The following EPS15 variants were observed in gnomAD, a reference collection of about 807,000 sequenced individuals.
EPS15 encodes epidermal growth factor receptor substrate 15.
A neutral mutation model predicts 113.8 loss-of-function variants in EPS15; 72 were observed. The ratio of observed to expected loss-of-function variants is 0.63; its 90% CI spans 0.52 to 0.77. The LOEUF (loss-of-function observed/expected upper bound fraction) is 0.77, where lower values mean the gene tolerates loss of function less well. Among genes scored for constraint, EPS15 ranks in the 30% least tolerant of loss-of-function variants. EPS15 has a pLI of 0.00. For synonymous variants in EPS15, 344 were observed against 363.4 expected (o/e 0.95, Z 0.61); for missense variants, 1,048 against 1,045.8 (o/e 1.00, Z -0.03).
intron 23 of EPS15, among the ~76,000 whole-genome samples, chr1:51,362,031 C>A (rs932611729): frequency 2.6e-5 from 4 of 152,148 alleles, no homozygotes; most frequent in Non-Finnish European, 4.4e-5. Context: ...TAATTCATTA[C>A]CATTTTCAAA....
chr1:51,518,537 G>A (rs1395126616), intron 1 of EPS15: 1 of 152,852 alleles, frequency 6.5e-6, no homozygotes, highest in Non-Finnish European at 1.5e-5. Flanking sequence ...ACCTGATCAG[G>A]AGGGGGGAGA....
chr1:51,469,130 A>G (rs1655065472), intron 4 of EPS15, among the ~76,000 whole-genome samples: 1 of 152,216 alleles, frequency 6.6e-6, no homozygotes, highest in Non-Finnish European at 1.5e-5. Context: ...ACTGTCTCAA[A>G]AAAACAGACA....
rs1646499598 is a variant in EPS15 at position 51,366,005 on chromosome 1, A to G, written c.2144T>C (p.Phe715Ser). ...TCCACCTCCAAATGATTCATTCCCA[A>G]AAACAGAAGCAAAGGGGTCTGTGGC... is the stretch of plus-strand genomic sequence containing the variant. ...DSATDPFASV[F>S]GNESFGGGFA... is the part of the protein sequence containing the mutation. Residue 715 changes from phenylalanine to serine, a missense_variant, in exon 22 of 25, where the codon TTT (phenylalanine) becomes TCT (serine). Transcript: ENST00000371733. 1 of 1,613,238 alleles carries G rather than the reference A, an allele frequency of 6.2e-7. No homozygotes were observed. Among genetic ancestry groups the G allele is most frequent in the Admixed American group, 1.7e-5 (1 of 59,942 alleles).
intron 21 of EPS15, among the ~76,000 whole-genome samples, chr1:51,391,063 C>T (rs1004977059): frequency 1.3e-5 from 2 of 151,972 alleles, no homozygotes; most frequent in African/African-American, 4.8e-5. Flanking sequence ...TGGAACCAAC[C>T]CAAATGTCCA....
At chr1:51,391,493 T>C (rs1359958471) in intron 21 of EPS15, among the ~76,000 whole-genome samples, 1 of 149,794 alleles carries the variant, frequency 6.7e-6, no homozygotes, top group African/African-American at 2.5e-5. Context: ...TAAAATAAAA[T>C]AAAAGATTTG....
At chr1:51,510,971 G>C (rs1023983878) in intron 1 of EPS15, among the ~76,000 whole-genome samples, 6 of 152,060 alleles carry the variant, frequency 3.9e-5, no homozygotes, top group Non-Finnish European at 8.8e-5. Context: ...TTCGAGACCA[G>C]CCTGGCCAAC....
At chr1:51,365,652 A>C (rs1646492012) in intron 22 of EPS15, among the ~76,000 whole-genome samples, 1 of 152,246 alleles carries the variant, frequency 6.6e-6, no homozygotes, top group Non-Finnish European at 1.5e-5. Context: ...CAACAGGGGG[A>C]AAATGTGGTT....
Position 51,497,010 on chromosome 1 carries a change from A to T in EPS15, c.34-15696T>A, listed in dbSNP as rs139140539. ...ATAAATATTTTATAAGTGAACAAAA[A>T]TGAAAGAATGAAATGAGTAACTGAA... On this transcript the variant is annotated intron_variant, in intron 1 of 24. Coordinates refer to ENST00000371733, the MANE Select transcript of EPS15 (RefSeq NM_001981.3). Among the ~76,000 whole-genome samples, 1,057 of 152,340 alleles carry T rather than the reference A, an allele frequency of 6.9e-3. 7 individuals carry two copies. Among genetic ancestry groups the T allele is most frequent in the African/African-American group, 0.024 (1,014 of 41,582 alleles).
chr1:51,494,005 T>C (rs1644286785), intron 1 of EPS15, among the ~76,000 whole-genome samples: 1 of 152,312 alleles, frequency 6.6e-6, no homozygotes, highest in Non-Finnish European at 1.5e-5. Context: ...TACCTAAGGC[T>C]TTGATGGCTC....
At chr1:51,409,900 C>A (rs1319842728) in intron 13 of EPS15, among the ~76,000 whole-genome samples, 2 of 152,028 alleles carry the variant, frequency 1.3e-5, no homozygotes, top group Non-Finnish European at 2.9e-5. Flanking sequence ...AATTTGCTAA[C>A]TCAAATCTGT....
intron 20 of EPS15, among the ~76,000 whole-genome samples, chr1:51,398,484 T>C (rs573262847): frequency 6.6e-6 from 1 of 152,280 alleles, no homozygotes; most frequent in East Asian, 1.9e-4. Context: ...AAAATTGATG[T>C]GAAGATTAGA....
chr1:51,396,014 T>C (rs1479924153), intron 20 of EPS15, among the ~76,000 whole-genome samples: 1 of 152,202 alleles, frequency 6.6e-6, no homozygotes. Context: ...TAACCTTCTC[T>C]CTTTATAAAA....
rs149446981 is a variant in EPS15 at position 51,452,793 on chromosome 1, C to T, written c.562-4658G>A. Among the ~76,000 whole-genome samples the T allele has an allele frequency of 1.7e-3, 259 of 152,248 alleles. 2 individuals carry two copies. Among genetic ancestry groups the T allele is most frequent in the African/African-American group, 5.9e-3 (247 of 41,540 alleles). ...ACAATACCACGCTGTCCTTTACAAG[C>T]GATAAAACTAAACCTTAACCCATTG... is the stretch of plus-strand genomic sequence containing the variant. On this transcript the variant is annotated intron_variant, in intron 8 of 24. Transcript: ENST00000371733.
chr1:51,407,307 C>T (rs1013733823), intron 15 of EPS15, among the ~76,000 whole-genome samples: 1 of 152,082 alleles, frequency 6.6e-6, no homozygotes, highest in African/African-American at 2.4e-5. Flanking sequence ...AAGTGATTCT[C>T]GTGCCTCAGC....
chr1:51,390,601 A>T (rs1343511856), intron 21 of EPS15, among the ~76,000 whole-genome samples: 2 of 152,004 alleles, frequency 1.3e-5, no homozygotes, highest in Non-Finnish European at 2.9e-5. Flanking sequence ...TCTACAATGA[A>T]CTCAAACAAA....
rs773051654 is a variant in EPS15 at position 51,461,435 on chromosome 1, C to T, written c.502-285G>A. Among the ~76,000 whole-genome samples, 32 of 150,768 alleles carry T rather than the reference C, an allele frequency of 2.1e-4. 1 individual carries two copies. Among genetic ancestry groups the T allele is most frequent in the Non-Finnish European group, 3.1e-4 (21 of 67,742 alleles). On this transcript the variant is annotated intron_variant, in intron 7 of 24. Transcript: ENST00000371733. ...ACTCAGGAGGCTGAGGTAGGAGGAT[C>T]CCTTAAGCCTAGGAGATCAAGGCTG... is the stretch of plus-strand genomic sequence containing the variant.
chr1:51,406,158 A>G, intron 15 of EPS15, 50 bp from the exon 16 acceptor site: 1 of 1,532,492 alleles, frequency 6.5e-7, no homozygotes, highest in Non-Finnish European at 8.9e-7. Flanking sequence ...CTAGAAAGAC[A>G]TGTAACATAA....
In EPS15 at chr1:51,416,050, T is replaced by C. The variant is rs562231274; in HGVS notation, c.1113+5736A>G. ...CAACTTTATTTTGGTACAGATTGCTTATCCTGAGACTAAATTAAGGCAACA... is the reference window on the plus strand; with the variant it reads ...CAACTTTATTTTGGTACAGATTGCTCATCCTGAGACTAAATTAAGGCAACA... On this transcript the variant is annotated intron_variant, in intron 13 of 24. Transcript: ENST00000371733. Among the ~76,000 whole-genome samples, 5 of 152,222 alleles carry C rather than the reference T, an allele frequency of 3.3e-5. No individual in the cohort carries two copies. In the South Asian group the frequency reaches 1.0e-3, roughly 32 times the overall value.
intron 14 of EPS15, among the ~76,000 whole-genome samples, chr1:51,409,331 C>T (rs1046977031): frequency 3.3e-5 from 5 of 152,168 alleles, no homozygotes; most frequent in African/African-American, 1.2e-4. Flanking sequence ...TTTGGAAAAA[C>T]AGTTCATTAA....
Sources: allele counts gnomAD v4.1 joint callset (sites outside exome capture counted in the v4.1 genomes callset), GRCh38; gene constraint gnomAD v4.1.1; transcripts MANE v1.5; gene names NCBI Gene and HGNC (gene_info 2026-07-23, HGNC 2026-07-21).